The following PARP8 variants were observed in gnomAD, a reference collection of about 807,000 sequenced individuals.
PARP8 encodes the protein protein mono-ADP-ribosyltransferase PARP8.
Under a neutral mutation model 124.1 loss-of-function variants are expected in PARP8, and 51 were observed. The ratio of observed to expected loss-of-function variants is 0.41; its 90% CI spans 0.33 to 0.52. The LOEUF is 0.52. PARP8 is among the 20% of genes least tolerant of loss of function. The pLI, the probability that PARP8 is intolerant of heterozygous loss-of-function variation, is 0.21. For missense variants in PARP8, 860 were observed against 1,018.9 expected, an observed-to-expected ratio of 0.84 and a Z score of 2.12; for synonymous variants, 391 against 361.5, an observed-to-expected ratio of 1.08 and a Z score of -0.93.
intron 2 of PARP8, among the ~76,000 whole-genome samples, chr5:50,687,251 G>A (rs1343856650): frequency 6.6e-6 from 1 of 152,094 alleles, no homozygotes; most frequent in East Asian, 1.9e-4. Context: ...TAGGGCAGGG[G>A]CAAAATGCTG....
At chr5:50,712,626 T>C (rs1561277786) in intron 2 of PARP8, among the ~76,000 whole-genome samples, 2 of 152,058 alleles carry the variant, frequency 1.3e-5, no homozygotes, top group Admixed American at 6.6e-5. Context: ...CCACCCTGAA[T>C]ATAGAAGAGT....
Position 50,691,645 on chromosome 5 carries a change from C to T in PARP8, c.146+23520C>T, listed in dbSNP as rs544081480. On this transcript the variant is annotated intron_variant, in intron 2 of 25. Coordinates refer to ENST00000281631, the MANE Select transcript of PARP8 (RefSeq NM_024615.4). ...TCCAGAGATCCCCCAAATTCCTGAC[C>T]CTTTGTAACTCTGTTGTTCTTCTGT... Among the ~76,000 whole-genome samples, 271 of 152,224 alleles carry T rather than the reference C, an allele frequency of 1.8e-3. 2 individuals carry two copies. The highest frequency in any genetic ancestry group is 6.3e-3 in the African/African-American group (261 of 41,550).
chr5:50,821,997 T>C (rs1490739834), intron 16 of PARP8, among the ~76,000 whole-genome samples: 1 of 152,354 alleles, frequency 6.6e-6, no homozygotes. Context: ...TGGGTTTTTG[T>C]ATTTTAGGAT....
chr5:50,815,709 G>T (rs371335719), intron 15 of PARP8, among the ~76,000 whole-genome samples, 185 bp downstream of exon 15: 1 of 151,934 alleles, frequency 6.6e-6, no homozygotes, highest in Admixed American at 6.6e-5. Flanking sequence ...TGTGTGTTTC[G>T]TTATTTTGTG....
chr5:50,741,806 C>A (rs968570624), intron 2 of PARP8: 5 of 427,550 alleles, frequency 1.2e-5, no homozygotes, highest in African/African-American at 1.1e-4. Flanking sequence ...GTTTTCTTTT[C>A]TTTTCTTCTT....
Position 50,677,912 on chromosome 5 carries a change from AT to A in PARP8, c.146+9790del, listed in dbSNP as rs1322790543. On this transcript the variant is annotated intron_variant, in intron 2 of 25. Coordinates refer to ENST00000281631, the MANE Select transcript of PARP8 (RefSeq NM_024615.4). ...ACTTTTTCAACATCTGAATATTCTGATTTACAGAAATTAAAAAAAAAAAACC... is the reference window on the plus strand; with the variant it reads ...ACTTTTTCAACATCTGAATATTCTGATTACAGAAATTAAAAAAAAAAAACC... 4.0e-5 allele frequency among the ~76,000 whole-genome samples: 6 copies of A among 150,660 alleles called. No individual in the cohort carries two copies. In the East Asian group the frequency reaches 1.2e-3, roughly 29 times the overall value.
At chr5:50,797,337 C>G in intron 14 of PARP8, 104 bp downstream of exon 14, 1 of 769,020 alleles carries the variant, frequency 1.3e-6, no homozygotes, top group Admixed American at 3.4e-5. Flanking sequence ...AAAGCAAATA[C>G]TCTTTATTGA....
intron 12 of PARP8, among the ~76,000 whole-genome samples, chr5:50,796,348 T>A (rs909281737): frequency 2.0e-5 from 3 of 152,220 alleles, no homozygotes; most frequent in African/African-American, 7.2e-5. Flanking sequence ...ACTGTATATT[T>A]ATTATCTGAA....
chr5:50,788,729 T>C (rs910235097), intron 10 of PARP8, 140 bp downstream of exon 10: 6 of 680,456 alleles, frequency 8.8e-6, no homozygotes, highest in African/African-American at 7.3e-5. Context: ...ATCATCATGA[T>C]GCTAAGAGCT....
At chr5:50,713,520 C>T (rs564054794) in intron 2 of PARP8, among the ~76,000 whole-genome samples, 2 of 152,116 alleles carry the variant, frequency 1.3e-5, no homozygotes, top group East Asian at 3.9e-4. Context: ...GGATTACAGG[C>T]GTGAACCATC....
intron 9 of PARP8, among the ~76,000 whole-genome samples, chr5:50,787,817 A>G (rs1741436650): frequency 6.6e-6 from 1 of 150,912 alleles, no homozygotes; most frequent in South Asian, 2.1e-4. Flanking sequence ...ACCGATTTAA[A>G]CATATATTTT....
intron 17 of PARP8, among the ~76,000 whole-genome samples, chr5:50,824,686 T>A (rs1260913452): frequency 6.6e-6 from 1 of 152,106 alleles, no homozygotes; most frequent in Admixed American, 6.6e-5. Context: ...GGGACAAGTC[T>A]TTTAACACAG....
intron 15 of PARP8, among the ~76,000 whole-genome samples, chr5:50,816,397 A>T (rs529435254): frequency 6.6e-6 from 1 of 152,252 alleles, no homozygotes; most frequent in South Asian, 2.1e-4. Context: ...ATTATTTGCT[A>T]ATACAAACTA....
At chr5:50,705,739 AG>A in intron 2 of PARP8, among the ~76,000 whole-genome samples, 1 of 152,254 alleles carries the variant, frequency 6.6e-6, no homozygotes, top group East Asian at 1.9e-4. Context: ...AGCCTGATCA[AG>A]CCACTGCACT....
rs543521061 is a variant in PARP8, at chr5:50,845,663, C to T, written c.*3595C>T. The T allele has an allele frequency of 6.6e-6, 1 of 151,832 alleles. No homozygotes were observed. The highest frequency in any genetic ancestry group is 2.4e-5 in the African/African-American group (1 of 41,518). 9.4% of individuals were successfully genotyped at this position (151,832 alleles called of 1,614,324 possible). ...ATATTTCAGTCACTGGTAACAATGT[C>T]AGGGTTAACACCCAATGAATTATTT... On this transcript the variant is annotated 3_prime_UTR_variant, in exon 26 of 26. Transcript: ENST00000281631.
At chr5:50,782,590 GTGTT>G (rs1170361728) in intron 9 of PARP8, among the ~76,000 whole-genome samples, 8 of 152,244 alleles carry the variant, frequency 5.3e-5, no homozygotes, top group African/African-American at 1.9e-4. Flanking sequence ...TTTATGAAGA[GTGTT>G]TGTGCTATGC....
chr5:50,843,125 A>T lies in PARP8; in HGVS notation c.*1057A>T, dbSNP rs1239090063. 4 of 151,702 alleles carry T rather than the reference A, an allele frequency of 2.6e-5. No individual in the cohort carries two copies. The East Asian group carries it at 5.8e-4, about 22-fold the overall frequency. 9.4% of individuals were successfully genotyped at this position (151,702 alleles called of 1,614,324 possible). ...CTTGATGCTTCTTTTATATTAAAAG[A>T]CCACAAATAAGTTTATAGAGAACAG... On this transcript the variant is annotated 3_prime_UTR_variant, in exon 26 of 26. Coordinates refer to ENST00000281631, the MANE Select transcript of PARP8 (RefSeq NM_024615.4).
chr5:50,732,723 A>G lies in PARP8; in HGVS notation c.147-17428A>G, dbSNP rs1211171528. ...AAGCTCCGCCACCCGGGTTCATGCC[A>G]TTCTCCTGCCTCAGCCTCCTGAGTA... On this transcript the variant is annotated intron_variant, in intron 2 of 25. Coordinates refer to ENST00000281631, the MANE Select transcript of PARP8 (RefSeq NM_024615.4). 2.6e-5 allele frequency among the ~76,000 whole-genome samples: 4 copies of G among 151,486 alleles called. No homozygotes were observed. In the East Asian group the frequency reaches 7.9e-4, roughly 30 times the overall value.
At chr5:50,729,905 G>A (rs1439489535) in intron 2 of PARP8, among the ~76,000 whole-genome samples, 3 of 152,164 alleles carry the variant, frequency 2.0e-5, no homozygotes, top group Non-Finnish European at 4.4e-5. Context: ...TTAAATGTCG[G>A]TTAGCTGAAC....
Sources: gnomAD v4.1 joint callset for allele counts (sites outside exome capture counted in the v4.1 genomes callset) on GRCh38, gnomAD v4.1.1 for gene constraint, MANE v1.5 for transcripts, NCBI Gene and HGNC (gene_info 2026-07-23, HGNC 2026-07-21) for gene names.